Variants in LRRC4C observed in about 807,000 individuals in gnomAD.
The protein encoded by LRRC4C is leucine rich repeat containing 4C, also known as leucine-rich repeat-containing protein 4C.
Under a neutral mutation model 33.6 loss-of-function variants are expected in LRRC4C, and 5 were observed. That is an observed-to-expected ratio of 0.15 (90% CI 0.08 to 0.31). LRRC4C has a LOEUF of 0.31. LRRC4C is among the 10% of genes least tolerant of loss of function. The pLI, the probability that LRRC4C is intolerant of heterozygous loss-of-function variation, is 1.00. For synonymous variants in LRRC4C, 329 were observed against 302.0 expected (o/e 1.09, Z -0.93); for missense variants, 560 against 796.7 (o/e 0.70, Z 3.58).
intron 2 of LRRC4C, among the ~76,000 whole-genome samples, chr11:40,693,734 G>A (rs951467678): frequency 9.9e-5 from 15 of 152,142 alleles, no homozygotes; most frequent in African/African-American, 3.1e-4. Flanking sequence ...ATCACAATGT[G>A]TCTGCGGCAT....
At chr11:40,689,402 C>T (rs1945120098) in intron 2 of LRRC4C, among the ~76,000 whole-genome samples, 1 of 152,130 alleles carries the variant, frequency 6.6e-6, no homozygotes, top group Non-Finnish European at 1.5e-5. Context: ...ACATGCTTCA[C>T]AAGTTTATTA....
intron 5 of LRRC4C, among the ~76,000 whole-genome samples, chr11:40,220,106 C>A (rs1864293468): frequency 6.6e-6 from 1 of 152,136 alleles, no homozygotes; most frequent in Non-Finnish European, 1.5e-5. Flanking sequence ...GCCAAATTAT[C>A]CTCAGTTGTA....
At chr11:41,439,573 G>C (rs1955546766) in intron 1 of LRRC4C, among the ~76,000 whole-genome samples, 1 of 152,124 alleles carries the variant, frequency 6.6e-6, no homozygotes, top group African/African-American at 2.4e-5. Flanking sequence ...ATTCTGACTA[G>C]TGGAAGATGG....
chr11:40,703,550 G>A (rs746555736), intron 2 of LRRC4C, among the ~76,000 whole-genome samples: 4 of 152,090 alleles, frequency 2.6e-5, no homozygotes, highest in Non-Finnish European at 5.9e-5. Flanking sequence ...GACAGAGTGA[G>A]ACCCTATCTC....
At chr11:40,207,363 T>C (rs1379885891) in intron 5 of LRRC4C, among the ~76,000 whole-genome samples, 1 of 152,116 alleles carries the variant, frequency 6.6e-6, no homozygotes, top group Non-Finnish European at 1.5e-5. Flanking sequence ...TTTGGGGAGC[T>C]GAGACAGGAG....
intron 5 of LRRC4C, among the ~76,000 whole-genome samples, chr11:40,239,962 T>C (rs1865820990): frequency 6.6e-6 from 1 of 152,158 alleles, no homozygotes; most frequent in Non-Finnish European, 1.5e-5. Context: ...TTTTAAGAAA[T>C]GCAGAATCTC....
intron 3 of LRRC4C, among the ~76,000 whole-genome samples, chr11:40,505,748 C>A (rs533020424): frequency 5.4e-4 from 82 of 152,216 alleles, no homozygotes; most frequent in African/African-American, 1.9e-3. Context: ...AAGAAAGTAG[C>A]AAAGTTATTA....
At chr11:40,751,159 T>C (rs1184726075) in intron 2 of LRRC4C, among the ~76,000 whole-genome samples, 2 of 152,102 alleles carry the variant, frequency 1.3e-5, no homozygotes, top group South Asian at 2.1e-4. Flanking sequence ...ATAGTTAACA[T>C]CATAATCAAG....
intron 1 of LRRC4C, among the ~76,000 whole-genome samples, chr11:41,239,429 C>T (rs1358102725): frequency 6.6e-6 from 1 of 151,376 alleles, no homozygotes; most frequent in African/African-American, 2.4e-5. Flanking sequence ...TCCTATTTCT[C>T]CTCTCTCTCA....
intron 3 of LRRC4C, among the ~76,000 whole-genome samples, chr11:40,553,116 C>G (rs112640744): frequency 3.3e-5 from 5 of 152,038 alleles, no homozygotes; most frequent in African/African-American, 1.2e-4. Context: ...ACTAAAAATA[C>G]AAAAAATTAG....
intron 1 of LRRC4C, among the ~76,000 whole-genome samples, chr11:41,247,195 T>C (rs1948481557): frequency 6.6e-6 from 1 of 152,244 alleles, no homozygotes; most frequent in Non-Finnish European, 1.5e-5. Flanking sequence ...TTTTTCATCT[T>C]TGGAAAGAAA....
chr11:41,142,396 A>C (rs1218574735), intron 1 of LRRC4C, among the ~76,000 whole-genome samples: 1 of 152,150 alleles, frequency 6.6e-6, no homozygotes, highest in African/African-American at 2.4e-5. Context: ...AGAAATTTTG[A>C]TTCACTAGGT....
chr11:40,554,972 C>A (rs372965687), intron 3 of LRRC4C, among the ~76,000 whole-genome samples: 2 of 143,158 alleles, frequency 1.4e-5, no homozygotes, highest in African/African-American at 2.9e-5. Flanking sequence ...CCGCCCGCCT[C>A]GGCCTCCCAA....
At chr11:41,172,105 A>T (rs1163573494) in intron 1 of LRRC4C, among the ~76,000 whole-genome samples, 1 of 152,166 alleles carries the variant, frequency 6.6e-6, no homozygotes, top group Non-Finnish European at 1.5e-5. Flanking sequence ...ATTAGCCTAG[A>T]GTTAACAAAG....
intron 1 of LRRC4C, among the ~76,000 whole-genome samples, chr11:41,365,079 CA>C (rs1952487413): frequency 6.6e-6 from 1 of 152,134 alleles, no homozygotes; most frequent in South Asian, 2.1e-4. Flanking sequence ...AACTGGGCTG[CA>C]AAGCAGGAGC....
chr11:41,219,704 C>T (rs758617891), intron 1 of LRRC4C, among the ~76,000 whole-genome samples: 2 of 152,308 alleles, frequency 1.3e-5, no homozygotes, highest in East Asian at 1.9e-4. Flanking sequence ...CCGGTGTTGA[C>T]CTTATTCAGC....
rs150801343 is a variant in LRRC4C at position 40,324,065 on chromosome 11, G to T, written c.-269-4344C>A. ...TTAGTGTGAGAGGTGGCAAGTATGT[G>T]TGTGTGAGTTTATGTGTGTGTGTTT... is the stretch of plus-strand genomic sequence containing the variant. On this transcript the variant is annotated intron_variant, in intron 3 of 6. Transcript: ENST00000528697. Among the ~76,000 whole-genome samples the T allele has an allele frequency of 5.4e-3, 827 of 152,322 alleles. 3 individuals are homozygous for T. The highest frequency in any genetic ancestry group is 0.018 in the African/African-American group (767 of 41,572).
intron 1 of LRRC4C, among the ~76,000 whole-genome samples, chr11:41,420,296 G>A (rs959302959): frequency 6.6e-6 from 1 of 151,860 alleles, no homozygotes; most frequent in Admixed American, 6.6e-5. Context: ...GCAGTTCACA[G>A]GAAGACTTCT....
intron 3 of LRRC4C, among the ~76,000 whole-genome samples, chr11:40,512,676 C>G (rs1955377468): frequency 6.6e-6 from 1 of 152,136 alleles, no homozygotes; most frequent in South Asian, 2.1e-4. Flanking sequence ...TTCCGAAAAG[C>G]ACAAAAGTGA....
Sources: allele counts gnomAD v4.1 joint callset (sites outside exome capture counted in the v4.1 genomes callset), GRCh38; gene constraint gnomAD v4.1.1; transcripts MANE v1.5; gene names NCBI Gene and HGNC (gene_info 2026-07-23, HGNC 2026-07-21).